The following STK32A variants were observed in gnomAD, a reference collection of about 807,000 sequenced individuals.
STK32A encodes the protein serine/threonine kinase 32A.
In STK32A, 41 loss-of-function variants were observed where a neutral mutation model predicts 53.2. That is an observed-to-expected ratio of 0.77 (90% CI 0.60 to 1.00). The LOEUF is 1.00. Ranked by LOEUF, STK32A falls within the 50% of genes least tolerant of loss-of-function variation. STK32A has a pLI of 0.00. For missense variants in STK32A, 458 were observed against 485.8 expected, an observed-to-expected ratio of 0.94 and a Z score of 0.54; for synonymous variants, 166 against 162.8, an observed-to-expected ratio of 1.02 and a Z score of -0.15.
intron 2 of STK32A, among the ~76,000 whole-genome samples, chr5:147,247,914 G>A (rs574109493): frequency 2.6e-5 from 4 of 152,154 alleles, no homozygotes; most frequent in African/African-American, 9.6e-5. Flanking sequence ...CTGAGGTCAC[G>A]AGTTCGAGAC....
In STK32A at chr5:147,384,750, A is replaced by G; in HGVS notation, c.*767A>G. 3.6e-6 allele frequency: 1 copy of G among 276,246 alleles called. No individual in the cohort carries two copies. Among genetic ancestry groups the G allele is most frequent in the Non-Finnish European group, 6.8e-6 (1 of 148,024 alleles). The allele number at this position is 276,246 out of a possible 1,614,324, so 17.1% of individuals were successfully genotyped here. A position where few individuals can be genotyped will look rare whatever the true frequency, so the allele number is the denominator to read the frequency against. ...TAAATATTAGCCCACCACTCCTTCC[A>G]AGAAGCATGTTCCTTGAGGGCTAAT... On this transcript the variant is annotated 3_prime_UTR_variant, in exon 13 of 13. Coordinates refer to ENST00000397936, the MANE Select transcript of STK32A (RefSeq NM_001112724.2).
intron 2 of STK32A, among the ~76,000 whole-genome samples, chr5:147,277,555 A>T (rs755074646): frequency 2.0e-5 from 3 of 152,192 alleles, no homozygotes; most frequent in Admixed American, 6.5e-5. Context: ...TAGAGGTGTA[A>T]TATTTTCCTA....
At chr5:147,362,473 C>A (rs1460051097) in intron 8 of STK32A, among the ~76,000 whole-genome samples, 1 of 152,172 alleles carries the variant, frequency 6.6e-6, no homozygotes, top group Non-Finnish European at 1.5e-5. Flanking sequence ...CATAAACTAA[C>A]CTAACCCTTA....
chr5:147,251,757 T>G (rs554502812), intron 2 of STK32A, among the ~76,000 whole-genome samples: 1 of 143,950 alleles, frequency 6.9e-6, no homozygotes, highest in Non-Finnish European at 1.5e-5. Context: ...GACCACATTA[T>G]TAATGAAGTA....
In STK32A at chr5:147,385,621, T is replaced by G. The variant is rs1032084040; in HGVS notation, c.*1638T>G. 6.6e-6 allele frequency: 1 copy of G among 152,222 alleles called. No homozygotes were observed. Among genetic ancestry groups the G allele is most frequent in the East Asian group, 1.9e-4 (1 of 5,204 alleles). The allele number at this position is 152,222 out of a possible 1,614,324, so 9.4% of individuals were successfully genotyped here. A position where few individuals can be genotyped will look rare whatever the true frequency, so the allele number is the denominator to read the frequency against. On this transcript the variant is annotated 3_prime_UTR_variant, in exon 13 of 13. Transcript: ENST00000397936. ...TCACTCTTTTTCTTTATATTTTATT[T>G]ATTGATTTGCCACAAAGTTTAATTC...
At chr5:147,351,720 G>A (rs1018157109) in intron 7 of STK32A, among the ~76,000 whole-genome samples, 5 of 152,072 alleles carry the variant, frequency 3.3e-5, no homozygotes, top group South Asian at 2.1e-4. Flanking sequence ...GGTAGCATGC[G>A]CCTGTAGTCC....
At chr5:147,297,316 G>A (rs1752914068) in intron 4 of STK32A, among the ~76,000 whole-genome samples, 1 of 152,204 alleles carries the variant, frequency 6.6e-6, no homozygotes, top group Admixed American at 6.5e-5. Flanking sequence ...CACAGATAGA[G>A]ACAGGAAATC....
intron 2 of STK32A, among the ~76,000 whole-genome samples, chr5:147,256,378 T>A (rs1426493496): frequency 6.6e-6 from 1 of 152,216 alleles, no homozygotes; most frequent in East Asian, 1.9e-4. Context: ...ATGCAGCCCA[T>A]GCCTGGTTGA....
Position 147,370,006 on chromosome 5 carries a change from CT to C in STK32A, c.661-644del, listed in dbSNP as rs776382867. ...TCCACAGTTTTCTTTTGTTTAATTT[CT>C]TTTCTTTTTAAATTACTTTTCTTCA... On this transcript the variant is annotated intron_variant, in intron 8 of 12. Transcript: ENST00000397936. 4.7e-4 allele frequency among the ~76,000 whole-genome samples: 72 copies of C among 152,072 alleles called. 1 individual carries two copies. The highest frequency in any genetic ancestry group is 1.5e-4 in the Non-Finnish European group (10 of 67,978).
At chr5:147,274,440 C>G (rs757184578) in intron 2 of STK32A, among the ~76,000 whole-genome samples, 8 of 152,190 alleles carry the variant, frequency 5.3e-5, no homozygotes, top group Non-Finnish European at 1.0e-4. Context: ...AGTTTTGGAA[C>G]ATGATCCAAG....
the STK32A span, chr5:147,399,066 C>T: frequency 3.1e-6 from 5 of 1,612,970 alleles, no homozygotes; most frequent in Admixed American, 1.7e-5. Flanking sequence ...TCCACTCCCA[C>T]CAGAGCGGGC....
intron 8 of STK32A, among the ~76,000 whole-genome samples, chr5:147,370,033 A>G (rs1756938889): frequency 6.6e-6 from 1 of 152,114 alleles, no homozygotes; most frequent in Admixed American, 6.6e-5. Context: ...CTTTTCTTCA[A>G]AATTAAAACT....
At chr5:147,319,882 C>T (rs969429979) in intron 4 of STK32A, among the ~76,000 whole-genome samples, 3 of 152,126 alleles carry the variant, frequency 2.0e-5, no homozygotes, top group Non-Finnish European at 2.9e-5. Flanking sequence ...GCTGGGGTAG[C>T]ATCAGAATGA....
intron 4 of STK32A, among the ~76,000 whole-genome samples, chr5:147,311,676 C>G (rs1418564785): frequency 6.6e-6 from 1 of 152,178 alleles, no homozygotes; most frequent in African/African-American, 2.4e-5. Context: ...AAGGAATCCT[C>G]TCACCTCAAC....
rs1302318845 is a variant in STK32A, at chr5:147,383,429, T to C, written c.1033-12T>C. 2.5e-6 allele frequency: 4 copies of C among 1,588,298 alleles called. No individual in the cohort carries two copies. Among genetic ancestry groups the C allele is most frequent in the Middle Eastern group, 1.7e-4 (1 of 6,028 alleles). Reference sequence around the variant, plus strand: ...ACTATACCTCTATTTTTTTTCTACGTTCACCTGGAAGACATGTCTTCTTCA... The same window carrying C: ...ACTATACCTCTATTTTTTTTCTACGCTCACCTGGAAGACATGTCTTCTTCA... On this transcript the variant is annotated splice_polypyrimidine_tract_variant and intron_variant, in intron 11 of 12. Transcript: ENST00000397936.
At chr5:147,277,248 A>G (rs1019935142) in intron 2 of STK32A, among the ~76,000 whole-genome samples, 5 of 152,220 alleles carry the variant, frequency 3.3e-5, no homozygotes, top group Non-Finnish European at 7.3e-5. Flanking sequence ...TTCAAAAACC[A>G]GGAAACAGAG....
chr5:147,329,760 T>A (rs1754774580), intron 5 of STK32A, among the ~76,000 whole-genome samples: 1 of 152,200 alleles, frequency 6.6e-6, no homozygotes, highest in South Asian at 2.1e-4. Context: ...CCCTCTCCAA[T>A]CTTAAGCCCT....
chr5:147,241,285 T>C (rs1753560527), intron 2 of STK32A, among the ~76,000 whole-genome samples: 1 of 152,182 alleles, frequency 6.6e-6, no homozygotes, highest in Admixed American at 6.5e-5. Flanking sequence ...GAGACCATCC[T>C]GGCTAACACG....
At chr5:147,321,573 G>T (rs575861180) in intron 4 of STK32A, among the ~76,000 whole-genome samples, 1 of 152,308 alleles carries the variant, frequency 6.6e-6, no homozygotes, top group East Asian at 1.9e-4. Flanking sequence ...TTCGAACACT[G>T]TTATTAACTT....
Sources: allele counts gnomAD v4.1 joint callset (sites outside exome capture counted in the v4.1 genomes callset), GRCh38; gene constraint gnomAD v4.1.1; transcripts MANE v1.5; gene names NCBI Gene and HGNC (gene_info 2026-07-23, HGNC 2026-07-21).